The following OSBPL1A variants were observed in gnomAD, a reference collection of about 807,000 sequenced individuals.
The protein encoded by OSBPL1A is oxysterol-binding protein-related protein 1.
OSBPL1A carries 80 observed loss-of-function variants against 137.1 expected under a neutral mutation model. The ratio of observed to expected loss-of-function variants is 0.58; its 90% confidence interval spans 0.49 to 0.70. The LOEUF (loss-of-function observed/expected upper bound fraction) is 0.70, where lower values mean the gene tolerates loss of function less well. Among genes scored for constraint, OSBPL1A ranks in the 30% least tolerant of loss-of-function variants. The pLI is 0.00. For missense variants in OSBPL1A, 970 were observed against 1,129.4 expected (o/e 0.86, Z 2.02); for synonymous variants, 365 against 389.7 (o/e 0.94, Z 0.75).
chr18:24,372,621 A>T (rs1465510244), intron 2 of OSBPL1A, among the ~76,000 whole-genome samples: 2 of 152,090 alleles, frequency 1.3e-5, no homozygotes, highest in African/African-American at 4.8e-5. Context: ...TCCAACTCCT[A>T]AATATTCATT....
At chr18:24,390,320 T>C (rs916368270) in intron 1 of OSBPL1A, among the ~76,000 whole-genome samples, 2 of 152,202 alleles carry the variant, frequency 1.3e-5, no homozygotes, top group Non-Finnish European at 2.9e-5. Flanking sequence ...CCCATGTTCA[T>C]AGGAGAAGTA....
rs1243339966 is a variant in OSBPL1A at position 24,368,362 on chromosome 18, C to T, written c.132G>A (p.Lys44=). 1.2e-6 allele frequency: 2 copies of T among 1,612,352 alleles called. No homozygotes were observed. Among genetic ancestry groups the T allele is most frequent in the Non-Finnish European group, 1.7e-6 (2 of 1,178,752 alleles). The stretch of plus-strand genomic sequence containing the variant: ...GTAGAGGTGTCCAGCCCAAGTTAGA[C>T]TTACTTCTTCCTAAAAATGGAAAAA... ...IADINCKGRS[K]SNLGWTPLHL... is the part of the protein sequence containing the mutation. Residue 44 remains lysine, a synonymous_variant, in exon 3 of 28, where the codon AAG becomes AAA. Coordinates refer to ENST00000319481, the MANE Select transcript of OSBPL1A (RefSeq NM_080597.4).
At chr18:24,164,413 A>C (rs2086091461) in intron 27 of OSBPL1A, among the ~76,000 whole-genome samples, 1 of 128,178 alleles carries the variant, frequency 7.8e-6, no homozygotes, top group African/African-American at 3.1e-5. Flanking sequence ...CAGTATGGAG[A>C]TTTTTGGTTT....
chr18:24,335,512 C>T (rs547234187), intron 5 of OSBPL1A, among the ~76,000 whole-genome samples: 48 of 152,264 alleles, frequency 3.2e-4, no homozygotes, highest in Non-Finnish European at 5.7e-4. Flanking sequence ...TGGAATATGT[C>T]GGTAAGATCT....
intron 7 of OSBPL1A, among the ~76,000 whole-genome samples, chr18:24,325,101 A>G (rs2090950099): frequency 6.6e-6 from 1 of 152,136 alleles, no homozygotes; most frequent in Non-Finnish European, 1.5e-5. Flanking sequence ...AAAAAAAAGA[A>G]AGAAAGAAAG....
intron 3 of OSBPL1A, chr18:24,368,066 T>C (rs900949708): frequency 1.2e-5 from 4 of 339,706 alleles, no homozygotes; most frequent in Non-Finnish European, 2.1e-5. Flanking sequence ...TTTTAAAAGC[T>C]AGTAATAAAA....
intron 23 of OSBPL1A, among the ~76,000 whole-genome samples, chr18:24,171,028 T>C (rs933989502): frequency 4.6e-5 from 7 of 151,726 alleles, no homozygotes. Context: ...TCCTAGGTTA[T>C]GGCAATTTTT....
intron 4 of OSBPL1A, among the ~76,000 whole-genome samples, chr18:24,342,393 T>C (rs568067240): frequency 1.3e-5 from 2 of 152,304 alleles, no homozygotes; most frequent in East Asian, 3.9e-4. Flanking sequence ...TATTAGAAAT[T>C]TGATGTTTGA....
At chr18:24,221,822 T>A (rs1052816399) in intron 17 of OSBPL1A, among the ~76,000 whole-genome samples, 1 of 152,156 alleles carries the variant, frequency 6.6e-6, no homozygotes, top group African/African-American at 2.4e-5. Flanking sequence ...TTCCCAAGAC[T>A]TATTCCTAGG....
intron 23 of OSBPL1A, among the ~76,000 whole-genome samples, chr18:24,171,198 T>C (rs1011872886): frequency 6.6e-6 from 1 of 151,986 alleles, no homozygotes; most frequent in African/African-American, 2.4e-5. Flanking sequence ...CATGCCTGGC[T>C]AATTTTTTTG....
chr18:24,263,065 A>G (rs2089479833), intron 15 of OSBPL1A, among the ~76,000 whole-genome samples: 1 of 152,142 alleles, frequency 6.6e-6, no homozygotes, highest in Non-Finnish European at 1.5e-5. Context: ...AGCTTTCTGT[A>G]TATGGTAAAC....
intron 20 of OSBPL1A, 77 bp downstream of exon 20, chr18:24,179,661 T>C: frequency 8.2e-7 from 1 of 1,219,406 alleles, no homozygotes; most frequent in Non-Finnish European, 1.2e-6. Flanking sequence ...ATAATTGTTA[T>C]TCGTGATGAC....
In OSBPL1A at chr18:24,314,240, T is replaced by G; in HGVS notation, c.969+9A>C. 6.4e-7 allele frequency: 1 copy of G among 1,560,390 alleles called. No homozygotes were observed. The highest frequency in any genetic ancestry group is 8.7e-7 in the Non-Finnish European group (1 of 1,145,678). On this transcript the variant is annotated intron_variant, in intron 12 of 27. Transcript: ENST00000319481. ...GTTTTAGGAAAGATACATGAATCCATAAGATTACCTCTCTTGACTGCTGAA... is the reference window on the plus strand; with the variant it reads ...GTTTTAGGAAAGATACATGAATCCAGAAGATTACCTCTCTTGACTGCTGAA...
chr18:24,217,164 ATTACCT>A (rs1262628010), intron 17 of OSBPL1A, among the ~76,000 whole-genome samples: 2 of 151,830 alleles, frequency 1.3e-5, no homozygotes, highest in Non-Finnish European at 2.9e-5. Flanking sequence ...GGGCTCATAT[ATTACCT>A]TTGTAGGATG....
chr18:24,332,554 T>C (rs1437011285), intron 7 of OSBPL1A, among the ~76,000 whole-genome samples: 1 of 146,310 alleles, frequency 6.8e-6, no homozygotes. Flanking sequence ...GTCAACAATA[T>C]GTATTAAATA....
At chr18:24,331,044 C>T (rs182963528) in intron 7 of OSBPL1A, among the ~76,000 whole-genome samples, 9 of 152,274 alleles carry the variant, frequency 5.9e-5, no homozygotes, top group East Asian at 3.9e-4. Context: ...CTACCAGCCT[C>T]GGCCTCTCAA....
At position 24,271,696 on chromosome 18, in the gene OSBPL1A, G is replaced by T. The variant is rs973438857; in HGVS notation, c.1281+9146C>A. On this transcript the variant is annotated intron_variant, in intron 15 of 27. Transcript: ENST00000319481. This position sits in a 1 kb window ranked among gnomAD's most constrained non-coding sequence, Gnocchi z 4.0. ...CGCAAGCTCCAGCGCGAATGCGCTCGGCCTGCTCCTCCTCCTCCCCTCCAG... is the reference window on the plus strand; with the variant it reads ...CGCAAGCTCCAGCGCGAATGCGCTCTGCCTGCTCCTCCTCCTCCCCTCCAG... The T allele has an allele frequency of 1.0e-6, 1 of 985,824 alleles. No homozygotes were observed. Among genetic ancestry groups the T allele is most frequent in the African/African-American group, 1.7e-5 (1 of 57,236 alleles). 61.1% of individuals were successfully genotyped at this position (985,824 alleles called of 1,614,324 possible).
At chr18:24,349,062 G>A (rs2091395142) in intron 4 of OSBPL1A, among the ~76,000 whole-genome samples, 1 of 152,132 alleles carries the variant, frequency 6.6e-6, no homozygotes, top group Non-Finnish European at 1.5e-5. Context: ...GGCTATTTGG[G>A]GGGCTGAGCT....
At chr18:24,259,283 C>T (rs552808228) in intron 15 of OSBPL1A, among the ~76,000 whole-genome samples, 10 of 152,236 alleles carry the variant, frequency 6.6e-5, no homozygotes, top group African/African-American at 2.2e-4. Context: ...GTCCCTGGAA[C>T]GTGCTCTACT....
Sources: gnomAD v4.1 joint callset for allele counts (sites outside exome capture counted in the v4.1 genomes callset) on GRCh38, gnomAD v4.1.1 for gene constraint, Gnocchi (gnomAD v3.1) non-coding constraint, MANE v1.5 for transcripts, NCBI Gene and HGNC (gene_info 2026-07-23, HGNC 2026-07-21) for gene names.